GCNT2: variants seen among roughly 807,000 people sequenced by gnomAD.
GCNT2 encodes the protein N-acetyllactosaminide beta-1,6-N-acetylglucosaminyl-transferase.
A neutral mutation model predicts 34.2 loss-of-function variants in GCNT2; 34 were observed. The ratio of observed to expected loss-of-function variants is 1.00; its 90% CI spans 0.76 to 1.32. The LOEUF (loss-of-function observed/expected upper bound fraction) is 1.32. GCNT2 is among the 40% of genes most tolerant of loss of function. GCNT2 has a pLI of 0.00. For synonymous variants in GCNT2, 212 were observed against 188.0 expected (o/e 1.13, Z -1.04); for missense variants, 584 against 489.4 (o/e 1.19, Z -1.82).
In GCNT2 at chr6:10,524,282, C is replaced by G. The variant is rs529072447; in HGVS notation, c.-469+2865C>G. On this transcript the variant is annotated intron_variant, in intron 1 of 4. Coordinates refer to ENST00000495262, the MANE Select transcript of GCNT2 (RefSeq NM_145649.5). ...TTTTTTTTTTTTAGACGGAGTTTCG[C>G]TCTTGTTGCCTGGGCTGGAGTGCGA... 2.7e-5 allele frequency among the ~76,000 whole-genome samples: 4 copies of G among 147,412 alleles called. No individual in the cohort carries two copies. The East Asian group carries it at 8.1e-4, about 30-fold the overall frequency.
chr6:10,556,367 T>G, intron 3 of GCNT2: 1 of 1,610,038 alleles, frequency 6.2e-7, no homozygotes, highest in Non-Finnish European at 8.5e-7. Flanking sequence ...CGAGTGAGTT[T>G]GGAAAAAAGA....
intron 3 of GCNT2, among the ~76,000 whole-genome samples, chr6:10,549,563 CTTTTTTTTT>C (rs33909973): frequency 7.7e-5 from 8 of 104,310 alleles, no homozygotes; most frequent in South Asian, 3.1e-4. Flanking sequence ...ATCTCTCTCT[CTTTTTTTTT>C]TTTTTTTTTT....
At chr6:10,566,309 T>A (rs946582973) in intron 3 of GCNT2, among the ~76,000 whole-genome samples, 5 of 152,106 alleles carry the variant, frequency 3.3e-5, no homozygotes, top group Admixed American at 6.5e-5. Context: ...TTTAAAAAAA[T>A]TTTTAGGAGA....
chr6:10,587,847 G>A (rs892489807), intron 3 of GCNT2, among the ~76,000 whole-genome samples: 4 of 152,112 alleles, frequency 2.6e-5, no homozygotes, highest in African/African-American at 9.7e-5. Flanking sequence ...GTGGGTGACT[G>A]GTGGTTCTCA....
At chr6:10,605,354 G>A (rs1316288509) in intron 3 of GCNT2, among the ~76,000 whole-genome samples, 1 of 148,194 alleles carries the variant, frequency 6.7e-6, no homozygotes, top group African/African-American at 2.5e-5. Context: ...TAGCTGGGAC[G>A]CACAGTACCA....
At chr6:10,622,916 A>G (rs1364978710) in intron 4 of GCNT2, among the ~76,000 whole-genome samples, 1 of 151,832 alleles carries the variant, frequency 6.6e-6, no homozygotes, top group Non-Finnish European at 1.5e-5. Flanking sequence ...CACCACGCTC[A>G]GCTAATTTTT....
Position 10,529,524 on chromosome 6 carries a change from C to G in GCNT2, c.613C>G (p.Gln205Glu). ...CCTGAAAACCAACAGGGAAATAGTT[C>G]AGTATCTGAAGGGATTTAAAGGGAA... is the stretch of plus-strand genomic sequence containing the variant. Reference protein sequence around the residue: ...FPLKTNREIVQYLKGFKGKNI... With the variant: ...FPLKTNREIVEYLKGFKGKNI... The change falls in exon 3 of 5, where the codon CAG becomes GAG. Residue 205 changes from glutamine to glutamate, a missense_variant. Coordinates refer to ENST00000495262, the MANE Select transcript of GCNT2 (RefSeq NM_145649.5). 6.2e-7 allele frequency: 1 copy of G among 1,614,086 alleles called. No homozygotes were observed. The highest frequency in any genetic ancestry group is 2.2e-5 in the East Asian group (1 of 44,882).
Position 10,626,436 on chromosome 6 carries a change from T to C in GCNT2, c.1038T>C (p.Ile346=), listed in dbSNP as rs747738500. ...TTGCAGGCCACTATGTACATGGTAT[T>C]TGTATCTATGGAAACGGAGACTTAA... ...GGCHGHYVHG[I]CIYGNGDLKW... is the part of the protein sequence containing the mutation. Residue 346 remains isoleucine, a synonymous_variant, in exon 5 of 5, where the codon ATT becomes ATC. Coordinates refer to ENST00000495262, the MANE Select transcript of GCNT2 (RefSeq NM_145649.5). 40 of 1,613,048 alleles carry C rather than the reference T, an allele frequency of 2.5e-5. No homozygotes were observed. Among genetic ancestry groups the C allele is most frequent in the Non-Finnish European group, 3.2e-5 (38 of 1,179,076 alleles).
Position 10,626,581 on chromosome 6 carries a change from G to A in GCNT2, c.1183G>A (p.Ala395Thr), listed in dbSNP as rs755802783. The A allele has an allele frequency of 6.2e-7, 1 of 1,613,816 alleles. No individual in the cohort carries two copies. The highest frequency in any genetic ancestry group is 8.5e-7 in the Non-Finnish European group (1 of 1,179,720). ...RERTLNQSETAIQPSWYF is the reference protein window; with the variant it reads ...RERTLNQSETTIQPSWYF ...AAGAACCCTCAATCAGAGTGAAACT[G>A]CGATACAACCCAGCTGGTATTTTTG... Residue 395 changes from alanine to threonine, a missense_variant, in exon 5 of 5, where the codon GCG (alanine) becomes ACG (threonine). Coordinates refer to ENST00000495262, the MANE Select transcript of GCNT2 (RefSeq NM_145649.5).
chr6:10,577,405 T>C (rs1014573494), intron 3 of GCNT2, among the ~76,000 whole-genome samples: 2 of 152,186 alleles, frequency 1.3e-5, no homozygotes, highest in African/African-American at 4.8e-5. Flanking sequence ...CCCTGGGAAA[T>C]TGGCAAGATG....
intron 3 of GCNT2, among the ~76,000 whole-genome samples, chr6:10,558,954 CCTTT>C (rs1471244323): frequency 1.3e-5 from 2 of 152,100 alleles, no homozygotes; most frequent in African/African-American, 2.4e-5. Context: ...ATATTTATTC[CCTTT>C]CTATTTTCAT....
Position 10,626,404 on chromosome 6 carries a change from C to T in GCNT2, c.1019-13C>T. On this transcript the variant is annotated splice_polypyrimidine_tract_variant and intron_variant, in intron 4 of 4. Coordinates refer to ENST00000495262, the MANE Select transcript of GCNT2 (RefSeq NM_145649.5). ...GCATGTTTTGACTCTGTTTCTTGTTCTTTCTTTTGCAGGCCACTATGTACA... is the reference window on the plus strand; with the variant it reads ...GCATGTTTTGACTCTGTTTCTTGTTTTTTCTTTTGCAGGCCACTATGTACA... 2.5e-6 allele frequency: 4 copies of T among 1,600,378 alleles called. No homozygotes were observed. Among genetic ancestry groups the T allele is most frequent in the Non-Finnish European group, 2.6e-6 (3 of 1,167,520 alleles).
chr6:10,574,728 AT>A (rs55677533), intron 3 of GCNT2: 5,246 of 498,824 alleles, frequency 0.011, 140 homozygotes, highest in African/African-American at 0.074. Context: ...GAGGTCTTTT[AT>A]TTTTTTTTAA....
In GCNT2 at chr6:10,585,060, TGTGTGTGTGTGTGTGTGTGCGC is replaced by T. The variant is rs1433145556; in HGVS notation, c.926-36289_926-36268del. ...GTGTGTGTGTGTGTGTGTGTGTGTG[TGTGTGTGTGTGTGTGTGTGCGC>T]GCTATATTCTGACACATCATTAGAA... On this transcript the variant is annotated intron_variant, in intron 3 of 4. Coordinates refer to ENST00000495262, the MANE Select transcript of GCNT2 (RefSeq NM_145649.5). Among the ~76,000 whole-genome samples, 327 of 140,454 alleles carry T rather than the reference TGTGTGTGTGTGTGTGTGTGCGC, an allele frequency of 2.3e-3. 2 individuals are homozygous for T. Among genetic ancestry groups the T allele is most frequent in the South Asian group, 0.012 (59 of 4,746 alleles). 92.1% of individuals were successfully genotyped at this position (140,454 alleles called of 152,430 possible).
At position 10,556,923 on chromosome 6, in the gene GCNT2, C is replaced by CT. The variant is rs762675289; in HGVS notation, c.925+27088dup. Reference sequence around the variant, plus strand: ...TATGGAGGGATCTCCAGGCTCCAGGCTGACCTGAACTGCATCAGAGATCTT... The same window carrying CT: ...TATGGAGGGATCTCCAGGCTCCAGGCTTGACCTGAACTGCATCAGAGATCTT... On this transcript the variant is annotated intron_variant, in intron 3 of 4. Transcript: ENST00000495262. 16 of 1,614,136 alleles carry CT rather than the reference C, an allele frequency of 9.9e-6. No individual in the cohort carries two copies. The South Asian group carries it at 1.3e-4, about 13-fold the overall frequency.
At chr6:10,621,735 G>C in intron 4 of GCNT2, 1 of 380,514 alleles carries the variant, frequency 2.6e-6, no homozygotes, top group South Asian at 2.1e-5. Context: ...TTAGAGACAG[G>C]GTTTCACTCT....
chr6:10,580,956 G>C (rs114368000), intron 3 of GCNT2, among the ~76,000 whole-genome samples: 1 of 152,274 alleles, frequency 6.6e-6, no homozygotes, highest in South Asian at 2.1e-4. Context: ...GCAGAGAGAG[G>C]TGGGACTGAT....
intron 3 of GCNT2, among the ~76,000 whole-genome samples, chr6:10,578,442 A>ATT (rs1378490201): frequency 4.0e-5 from 5 of 126,448 alleles, no homozygotes; most frequent in African/African-American, 1.6e-4. Flanking sequence ...TGGAGCTTAC[A>ATT]TTCTTTTTTT....
intron 1 of GCNT2, 81 bp from the exon 2 acceptor site, chr6:10,527,393 C>G (rs566645592): frequency 6.6e-6 from 1 of 152,260 alleles, no homozygotes; most frequent in Non-Finnish European, 1.5e-5. Flanking sequence ...CCATTGCACT[C>G]CAGCCTGGGC....
Sources: gnomAD v4.1 joint callset for allele counts (sites outside exome capture counted in the v4.1 genomes callset) on GRCh38, gnomAD v4.1.1 for gene constraint, MANE v1.5 for transcripts, NCBI Gene and HGNC (gene_info 2026-07-23, HGNC 2026-07-21) for gene names.